PKD2L2: variants seen among roughly 807,000 people sequenced by gnomAD.
PKD2L2 encodes polycystin-2-like protein 2.
In PKD2L2, 67 loss-of-function variants were observed where a neutral mutation model predicts 83.9. The observed-to-expected ratio is 0.80, with a 90% CI of 0.66 to 0.98. The LOEUF is 0.98. Ranked by LOEUF, PKD2L2 falls within the 50% of genes least tolerant of loss-of-function variation. PKD2L2 has a pLI of 0.00. For missense variants in PKD2L2, 632 were observed against 717.2 expected, an observed-to-expected ratio of 0.88 and a Z score of 1.36; for synonymous variants, 223 against 237.8, an observed-to-expected ratio of 0.94 and a Z score of 0.57.
chr5:137,921,621 T>C lies in PKD2L2; in HGVS notation c.1329-15T>C. On this transcript the variant is annotated splice_polypyrimidine_tract_variant and intron_variant, in intron 8 of 14. Coordinates refer to ENST00000508883, the MANE Select transcript of PKD2L2 (RefSeq NM_001300921.2). The stretch of plus-strand genomic sequence containing the variant: ...CATAAAGGTATATATTTTCTACTGT[T>C]TTTCTTTCTTAAAGATTTGCACAAT... 1 of 1,536,914 alleles carries C rather than the reference T, an allele frequency of 6.5e-7. No homozygotes were observed. The highest frequency in any genetic ancestry group is 1.2e-5 in the South Asian group (1 of 86,434).
intron 5 of PKD2L2, among the ~76,000 whole-genome samples, chr5:137,900,654 A>G (rs1490113550): frequency 6.6e-6 from 1 of 151,902 alleles, no homozygotes; most frequent in African/African-American, 2.4e-5. Flanking sequence ...TTTGCAAAAT[A>G]CCTTTTTATC....
chr5:137,924,519 A>C (rs980720634), intron 10 of PKD2L2, among the ~76,000 whole-genome samples: 1 of 152,178 alleles, frequency 6.6e-6, no homozygotes, highest in African/African-American at 2.4e-5. Flanking sequence ...TATGTGTACC[A>C]GTCACATCTC....
At chr5:137,904,973 A>T (rs1014122235) in intron 5 of PKD2L2, among the ~76,000 whole-genome samples, 1 of 152,218 alleles carries the variant, frequency 6.6e-6, no homozygotes, top group African/African-American at 2.4e-5. Context: ...CTTTTATTTT[A>T]AAGTTCTCTC....
chr5:137,889,517 G>T lies in PKD2L2; in HGVS notation c.26G>T (p.Arg9Leu). MAEASRWHRGGASKHKLHY... is the reference protein window; with the variant it reads MAEASRWHLGGASKHKLHY... ...ATGGCTGAGGCGTCACGGTGGCACC[G>T]AGGCGGTGAGGGGTCCTCTTAAGGA... The change falls in exon 1 of 15, where the codon CGA (arginine) becomes CTA (leucine). Residue 9 changes from arginine to leucine, a missense_variant. Arg to Leu is a moderately radical substitution (Grantham distance 102). This residue lies in a region of PKD2L2 where 229 missense variants were observed against 281.5 expected (regional missense o/e 0.81). Transcript: ENST00000508883. 3.2e-6 allele frequency: 5 copies of T among 1,554,876 alleles called. No homozygotes were observed. The highest frequency in any genetic ancestry group is 3.5e-6 in the Non-Finnish European group (4 of 1,158,626).
chr5:137,916,650 T>C (rs1202510930), intron 8 of PKD2L2, among the ~76,000 whole-genome samples: 2 of 151,898 alleles, frequency 1.3e-5, no homozygotes, highest in African/African-American at 4.8e-5. Context: ...CGGCTAATTT[T>C]TGTATTTTTA....
intron 14 of PKD2L2, among the ~76,000 whole-genome samples, chr5:137,936,964 T>A (rs1372177289): frequency 2.6e-5 from 4 of 152,228 alleles, no homozygotes; most frequent in African/African-American, 4.8e-5. Flanking sequence ...AGGTTTATTA[T>A]CAAATTCTAG....
At chr5:137,939,333 T>C (rs115109738) in intron 14 of PKD2L2, 17 of 152,780 alleles carry the variant, frequency 1.1e-4, no homozygotes, top group East Asian at 3.9e-4. Flanking sequence ...TTTAAGCCCA[T>C]TGATTGAACA....
chr5:137,901,092 C>T (rs1220933455), intron 5 of PKD2L2, among the ~76,000 whole-genome samples: 3 of 150,916 alleles, frequency 2.0e-5, no homozygotes, highest in Non-Finnish European at 4.4e-5. Context: ...GCCGAGATAG[C>T]GCCATTGCAC....
chr5:137,895,578 T>C (rs1447553428), intron 4 of PKD2L2, among the ~76,000 whole-genome samples: 2 of 151,960 alleles, frequency 1.3e-5, no homozygotes, highest in African/African-American at 4.8e-5. Flanking sequence ...CAGTGCACAC[T>C]TTGTGCTTTT....
rs778892026 is a variant in PKD2L2 at position 137,894,516 on chromosome 5, A to G, written c.431A>G (p.Tyr144Cys). Residue 144 changes from tyrosine (Y) to cysteine (C), a missense_variant, in exon 4 of 15, where the codon TAT becomes TGT. By Grantham distance (194) the Tyr-to-Cys change is radical. Coordinates refer to ENST00000508883, the MANE Select transcript of PKD2L2 (RefSeq NM_001300921.2). ...GTCCGCAACAACACATGCAAAGTCT[A>G]TTCATCTTTTCAGTCTTTGATGAGT... The part of the protein sequence containing the change: ...LKVRNNTCKV[Y>C]SSFQSLMSEC... 7 of 1,613,442 alleles carry G rather than the reference A, an allele frequency of 4.3e-6. No homozygotes were observed. Among genetic ancestry groups the G allele is most frequent in the South Asian group, 2.2e-5 (2 of 91,074 alleles).
chr5:137,938,327 T>C (rs1760735491), intron 14 of PKD2L2: 1 of 152,638 alleles, frequency 6.6e-6, no homozygotes. Context: ...AGGAATATAT[T>C]ATTTAAAACA....
chr5:137,917,566 C>G (rs1228862942), intron 8 of PKD2L2, among the ~76,000 whole-genome samples: 3 of 152,104 alleles, frequency 2.0e-5, no homozygotes, highest in African/African-American at 7.2e-5. Flanking sequence ...TCCTTTGAAT[C>G]TCTTTAGTAA....
intron 7 of PKD2L2, 26 bp from the exon 8 acceptor site, chr5:137,908,739 T>A (rs770911963): frequency 1.1e-4 from 134 of 1,209,464 alleles, no homozygotes; most frequent in Non-Finnish European, 1.5e-4. Flanking sequence ...TATTCTCCTA[T>A]TTCAATTAAC....
chr5:137,919,259 G>A (rs780383821), intron 8 of PKD2L2, among the ~76,000 whole-genome samples: 18 of 152,110 alleles, frequency 1.2e-4, no homozygotes, highest in Admixed American at 7.9e-4. Context: ...ATGTTGAGGC[G>A]TCATGGTGCT....
chr5:137,901,614 G>A (rs1228896061), intron 5 of PKD2L2, among the ~76,000 whole-genome samples: 1 of 152,188 alleles, frequency 6.6e-6, no homozygotes, highest in Non-Finnish European at 1.5e-5. Context: ...TCTTTTGGTT[G>A]TACAACAAGA....
At chr5:137,890,702 C>G in intron 2 of PKD2L2, 120 bp downstream of exon 2, 1 of 523,048 alleles carries the variant, frequency 1.9e-6, no homozygotes, top group Non-Finnish European at 3.4e-6. Context: ...ACTCAAAATA[C>G]AGTGACACGT....
chr5:137,936,974 G>C (rs908029004), intron 14 of PKD2L2, among the ~76,000 whole-genome samples: 7 of 152,138 alleles, frequency 4.6e-5, no homozygotes, highest in African/African-American at 1.4e-4. Flanking sequence ...TCAAATTCTA[G>C]AAAAGTGAAA....
Position 137,921,493 on chromosome 5 carries a change from C to T in PKD2L2, c.1329-143C>T, listed in dbSNP as rs151252843. 1.8e-4 allele frequency: 97 copies of T among 542,314 alleles called. 1 individual carries two copies. In the East Asian group the frequency reaches 2.7e-3, roughly 15 times the overall value. The allele number at this position is 542,314 out of a possible 1,614,324, so 33.6% of individuals were successfully genotyped here. On this transcript the variant is annotated intron_variant, in intron 8 of 14. Coordinates refer to ENST00000508883, the MANE Select transcript of PKD2L2 (RefSeq NM_001300921.2). ...GGGGAATTTTCTACATCCAATTTTA[C>T]ACAACTCTGTACTAACATAATTAAA...
Position 137,906,236 on chromosome 5 carries a change from A to T in PKD2L2, c.777A>T (p.Gly259=). The part of the protein sequence containing the change: ...RLVAEFPATG[G]ILTSWQFYSV... Reference sequence around the variant, plus strand: ...TGGCAGAATTCCCTGCAACTGGAGGAATACTTACTTCATGGCAGTTTTACT... The same window carrying T: ...TGGCAGAATTCCCTGCAACTGGAGGTATACTTACTTCATGGCAGTTTTACT... Residue 259 remains glycine, a synonymous_variant, in exon 6 of 15, where the codon GGA becomes GGT. Transcript: ENST00000508883. 6.2e-7 allele frequency: 1 copy of T among 1,610,308 alleles called. No homozygotes were observed. The highest frequency in any genetic ancestry group is 8.5e-7 in the Non-Finnish European group (1 of 1,178,004).
Sources: gnomAD v4.1 joint callset for allele counts (sites outside exome capture counted in the v4.1 genomes callset) on GRCh38, gnomAD v4.1.1 for gene constraint, gnomAD v4.1.1 regional missense constraint, MANE v1.5 for transcripts, NCBI Gene and HGNC (gene_info 2026-07-23, HGNC 2026-07-21) for gene names.